Variants in CENPE observed in about 807,000 individuals in gnomAD.
The protein encoded by CENPE is centromere protein E.
In CENPE, 145 loss-of-function variants were observed where a neutral mutation model predicts 336.1. That is an observed-to-expected ratio of 0.43 (90% CI 0.38 to 0.50). The LOEUF is 0.50. Among genes scored for constraint, CENPE ranks in the 20% least tolerant of loss-of-function variants. CENPE has a pLI of 0.00. For missense variants in CENPE, 2,719 were observed against 3,023.3 expected, an observed-to-expected ratio of 0.90 and a Z score of 2.36; for synonymous variants, 1,013 against 984.8, an observed-to-expected ratio of 1.03 and a Z score of -0.54.
At chr4:103,130,700 A>G (rs962444651) in intron 42 of CENPE, among the ~76,000 whole-genome samples, 2 of 152,166 alleles carry the variant, frequency 1.3e-5, no homozygotes, top group Non-Finnish European at 2.9e-5. Context: ...AATAACCAAC[A>G]CAATGCTGAA....
intron 18 of CENPE, among the ~76,000 whole-genome samples, chr4:103,162,591 GAGACAGAGTCT>G (rs922298308): frequency 1.4e-5 from 2 of 142,690 alleles, no homozygotes; most frequent in Non-Finnish European, 3.1e-5. Flanking sequence ...TTTTTTTTTG[GAGACAGAGTCT>G]TGCTCTGTTG....
rs61756292 is a variant in CENPE at position 103,145,133 on chromosome 4, T to G, written c.4774A>C (p.Lys1592Gln). The part of the protein sequence containing the change: ...QEEIQIMIKE[K>Q]EEMKRVQEAL... Reference sequence around the variant, plus strand: ...TCCTGTACTCTTTTCATTTCCTCTTTTTCCTTAATCATAATTTGTATTTCT... The same window carrying G: ...TCCTGTACTCTTTTCATTTCCTCTTGTTCCTTAATCATAATTTGTATTTCT... Residue 1592 changes from lysine to glutamine, a missense_variant, in exon 32 of 49, where the codon AAA becomes CAA. Physicochemically the swap from Lys to Gln is moderately conservative, Grantham distance 53. Coordinates refer to ENST00000265148, the MANE Select transcript of CENPE (RefSeq NM_001813.3). The G allele has an allele frequency of 9.2e-4, 1,483 of 1,612,410 alleles. 6 individuals carry two copies. The African/African-American group carries it at 0.013, about 14-fold the overall frequency.
At chr4:103,183,042 T>C in intron 10 of CENPE, 151 bp from the exon 11 acceptor site, 1 of 907,464 alleles carries the variant, frequency 1.1e-6, no homozygotes, top group South Asian at 1.9e-5. Context: ...TAAAAAATAT[T>C]TAAAACAGAA....
intron 16 of CENPE, among the ~76,000 whole-genome samples, chr4:103,168,917 C>T (rs2125992295): frequency 6.6e-6 from 1 of 152,242 alleles, no homozygotes; most frequent in East Asian, 1.9e-4. Context: ...GCTGCATGAC[C>T]ACAAGCATCA....
At chr4:103,190,954 A>AC (rs1426616150) in intron 8 of CENPE, among the ~76,000 whole-genome samples, 2 of 152,062 alleles carry the variant, frequency 1.3e-5, no homozygotes, top group African/African-American at 4.8e-5. Flanking sequence ...AGAAAAAAAA[A>AC]AAACAAACAA....
chr4:103,134,705 T>G (rs1215736665), intron 40 of CENPE, among the ~76,000 whole-genome samples: 1 of 140,522 alleles, frequency 7.1e-6, no homozygotes, highest in African/African-American at 2.6e-5. Context: ...CAAGAGACAA[T>G]AATTTCAATG....
In CENPE at chr4:103,155,960, G is replaced by A. The variant is rs1282105677; in HGVS notation, c.3033+2340C>T. Among the ~76,000 whole-genome samples the A allele has an allele frequency of 5.3e-5, 8 of 151,952 alleles. No homozygotes were observed. The South Asian group carries it at 6.2e-4, about 12-fold the overall frequency. The stretch of plus-strand genomic sequence containing the variant: ...GCATTTCTGTACACTAACAATGAAC[G>A]ATCCAAAGAAGAAATTAAGACAATT... On this transcript the variant is annotated intron_variant, in intron 24 of 48. Coordinates refer to ENST00000265148, the MANE Select transcript of CENPE (RefSeq NM_001813.3).
intron 24 of CENPE, among the ~76,000 whole-genome samples, chr4:103,155,568 C>T (rs1753898198): frequency 1.3e-5 from 2 of 152,124 alleles, no homozygotes; most frequent in Non-Finnish European, 2.9e-5. Flanking sequence ...CCACCTTGGC[C>T]TCTGAAAGTA....
intron 13 of CENPE, 141 bp downstream of exon 13, chr4:103,180,170 G>T: frequency 1.7e-6 from 1 of 595,276 alleles, no homozygotes; most frequent in Non-Finnish European, 2.6e-6. Context: ...AATCTCTTAG[G>T]TACTATGAAA....
At chr4:103,124,772 TGGCTTTGTGGTCATTCTACCA>T (rs1471071356) in intron 42 of CENPE, among the ~76,000 whole-genome samples, 2 of 152,208 alleles carry the variant, frequency 1.3e-5, no homozygotes, top group African/African-American at 2.4e-5. Flanking sequence ...AACTTCTTTG[TGGCTTTGTGGTCATTCTACCA>T]GGCTTTGTGG....
intron 42 of CENPE, among the ~76,000 whole-genome samples, chr4:103,128,849 T>C (rs1751351617): frequency 6.6e-6 from 1 of 151,950 alleles, no homozygotes; most frequent in Non-Finnish European, 1.5e-5. Context: ...AAATCCAAAG[T>C]AAGCAGAAGA....
At chr4:103,169,349 G>A (rs1755201528) in intron 16 of CENPE, among the ~76,000 whole-genome samples, 1 of 151,774 alleles carries the variant, frequency 6.6e-6, no homozygotes, top group Non-Finnish European at 1.5e-5. Context: ...TAAAGGGACA[G>A]AAAGCTTATT....
In CENPE at chr4:103,149,110, T is replaced by A; in HGVS notation, c.3687+8A>T. 6.3e-7 allele frequency: 1 copy of A among 1,584,144 alleles called. No individual in the cohort carries two copies. The highest frequency in any genetic ancestry group is 8.5e-7 in the Non-Finnish European group (1 of 1,172,128). On this transcript the variant is annotated splice_region_variant and intron_variant, in intron 27 of 48. Transcript: ENST00000265148. ...ACTTAATAGATGAAGGAAAAGGGTATAACTTACTGTAGCTTCAATTTCTCT... is the reference window on the plus strand; with the variant it reads ...ACTTAATAGATGAAGGAAAAGGGTAAAACTTACTGTAGCTTCAATTTCTCT...
Position 103,196,052 on chromosome 4 carries a change from A to G in CENPE, c.239-14T>C. On this transcript the variant is annotated splice_polypyrimidine_tract_variant and intron_variant, in intron 3 of 48. Transcript: ENST00000265148. ...CAAATATAGTACCTGCAAAAAACAA[A>G]ACACACATACGCAAAGATTAAAAAC... 3.7e-6 allele frequency: 6 copies of G among 1,601,542 alleles called. No homozygotes were observed. The highest frequency in any genetic ancestry group is 5.1e-6 in the Non-Finnish European group (6 of 1,168,642).
At chr4:103,132,505 G>T (rs953714276) in intron 42 of CENPE, among the ~76,000 whole-genome samples, 188 bp downstream of exon 42, 2 of 152,208 alleles carry the variant, frequency 1.3e-5, no homozygotes, top group South Asian at 4.1e-4. Flanking sequence ...ACAAGATTTC[G>T]TTACCTTGAT....
intron 16 of CENPE, among the ~76,000 whole-genome samples, chr4:103,164,306 C>T (rs1754726350): frequency 6.6e-6 from 1 of 152,046 alleles, no homozygotes. Flanking sequence ...CCAAGATAAA[C>T]ATTTTCCCTT....
intron 44 of CENPE, among the ~76,000 whole-genome samples, chr4:103,117,606 C>G (rs969381802): frequency 6.7e-6 from 1 of 149,766 alleles, no homozygotes; most frequent in East Asian, 1.9e-4. Flanking sequence ...TATTAAAAGT[C>G]CACTCATTTT....
At chr4:103,158,036 AG>A (rs1754102259) in intron 24 of CENPE, among the ~76,000 whole-genome samples, 1 of 151,940 alleles carries the variant, frequency 6.6e-6, no homozygotes, top group Non-Finnish European at 1.5e-5. Context: ...AAGCAAGTTT[AG>A]TATAGTAAAT....
intron 48 of CENPE, 118 bp from the exon 49 acceptor site, chr4:103,106,434 C>T (rs1470969640): frequency 8.4e-5 from 49 of 582,300 alleles, no homozygotes; most frequent in South Asian, 2.2e-4. Context: ...AAAATGGCAA[C>T]GTGATTCACC....
Sources: allele counts gnomAD v4.1 joint callset (sites outside exome capture counted in the v4.1 genomes callset), GRCh38; gene constraint gnomAD v4.1.1; transcripts MANE v1.5; gene names NCBI Gene and HGNC (gene_info 2026-07-23, HGNC 2026-07-21).